C6orf52: variants seen among roughly 807,000 people sequenced by gnomAD.
C6orf52 encodes chromosome 6 open reading frame 52, also known as putative uncharacterized protein C6orf52.
In C6orf52, 16 loss-of-function variants were observed where a neutral mutation model predicts 16.6. That is an observed-to-expected ratio of 0.96 (90% CI 0.65 to 1.46). The LOEUF is 1.46. Ranked by LOEUF, C6orf52 falls within the 40% of genes most tolerant of loss-of-function variation. C6orf52 has a pLI of 0.00. For synonymous variants in C6orf52, 53 were observed against 61.4 expected (o/e 0.86, Z 0.64); for missense variants, 166 against 182.3 (o/e 0.91, Z 0.52).
At chr6:10,677,455 CCT>C (rs1767994358) in intron 4 of C6orf52, among the ~76,000 whole-genome samples, 1 of 148,908 alleles carries the variant, frequency 6.7e-6, no homozygotes, top group South Asian at 2.1e-4. Flanking sequence ...ATGCCTTCAC[CCT>C]TTTTTTTTTT....
Position 10,686,950 on chromosome 6 carries a change from T to C in C6orf52, c.270+16A>G, listed in dbSNP as rs1768910788. The C allele has an allele frequency of 2.6e-6, 4 of 1,517,660 alleles. No individual in the cohort carries two copies. Among genetic ancestry groups the C allele is most frequent in the East Asian group, 2.5e-5 (1 of 40,550 alleles). 94.0% of individuals were successfully genotyped at this position (1,517,660 alleles called of 1,614,324 possible). A position where few individuals can be genotyped will look rare whatever the true frequency, so the allele number is the denominator to read the frequency against. ...GGGCACACGAATGACACAAGATTCA[T>C]TCTAGCAAGGGATACCTTAGGCATA... On this transcript the variant is annotated intron_variant, in intron 3 of 4. Coordinates refer to ENST00000259983, the MANE Select transcript of C6orf52 (RefSeq NM_001145020.3).
chr6:10,691,868 G>C (rs1251649615), intron 1 of C6orf52, among the ~76,000 whole-genome samples: 1 of 151,940 alleles, frequency 6.6e-6, no homozygotes, highest in Non-Finnish European at 1.5e-5. Context: ...ACCACTTTGA[G>C]TTATGTTCAT....
At chr6:10,673,038 G>C (rs1767565676) in intron 4 of C6orf52, among the ~76,000 whole-genome samples, 1 of 152,116 alleles carries the variant, frequency 6.6e-6, no homozygotes, top group African/African-American at 2.4e-5. Flanking sequence ...TTATTCTTTA[G>C]AGCTTCCCAT....
chr6:10,686,863 G>A, intron 3 of C6orf52, 103 bp downstream of exon 3: 1 of 842,778 alleles, frequency 1.2e-6, no homozygotes, highest in Non-Finnish European at 1.8e-6. Flanking sequence ...AGCCATGTCT[G>A]TGGGAATTTG....
At chr6:10,689,301 C>A (rs971210899) in intron 1 of C6orf52, among the ~76,000 whole-genome samples, 2 of 152,228 alleles carry the variant, frequency 1.3e-5, no homozygotes, top group African/African-American at 2.4e-5. Flanking sequence ...CGACTGGTTG[C>A]ATCCAGGGAT....
At chr6:10,684,993 G>T in intron 3 of C6orf52, 6 of 857,778 alleles carry the variant, frequency 7.0e-6, no homozygotes, top group Non-Finnish European at 9.2e-6. Flanking sequence ...TAATAATTCG[G>T]CCTGAGGGTG....
chr6:10,687,136 C>T lies in C6orf52; in HGVS notation c.100G>A (p.Glu34Lys). The T allele has an allele frequency of 6.4e-7, 1 of 1,551,430 alleles. No individual in the cohort carries two copies. The highest frequency in any genetic ancestry group is 8.7e-7 in the Non-Finnish European group (1 of 1,146,778). ...SLPSAIRVKQEFQPSQSYRYG... is the reference protein window; with the variant it reads ...SLPSAIRVKQKFQPSQSYRYG... ...CGGTAACTCTGGCTGGGCTGGAACT[C>T]CTGCTTCACTCTAATAGCAGAGGGG... The change falls in exon 3 of 5, where the codon GAG becomes AAG. Residue 34 changes from glutamate to lysine, a missense_variant. Glu to Lys is a moderately conservative substitution (Grantham distance 56, BLOSUM62 1). Transcript: ENST00000259983.
intron 4 of C6orf52, among the ~76,000 whole-genome samples, chr6:10,675,838 G>C (rs963252240): frequency 3.9e-5 from 6 of 152,068 alleles, no homozygotes; most frequent in Non-Finnish European, 8.8e-5. Flanking sequence ...CTTGAGAAAT[G>C]TCTTAAAAAA....
At chr6:10,685,557 G>A (rs1199218213) in intron 3 of C6orf52, among the ~76,000 whole-genome samples, 1 of 152,198 alleles carries the variant, frequency 6.6e-6, no homozygotes, top group East Asian at 1.9e-4. Flanking sequence ...CACAAATGGT[G>A]TCACTCTGCA....
intron 4 of C6orf52, among the ~76,000 whole-genome samples, chr6:10,673,782 T>C (rs1258345754): frequency 6.6e-6 from 1 of 152,138 alleles, no homozygotes; most frequent in East Asian, 1.9e-4. Flanking sequence ...TTTAAAACTC[T>C]GCTTGAAGGT....
intron 4 of C6orf52, among the ~76,000 whole-genome samples, chr6:10,676,829 G>A (rs2127461732): frequency 6.6e-6 from 1 of 152,204 alleles, no homozygotes; most frequent in South Asian, 2.1e-4. Context: ...ATTAAGCCTT[G>A]CACTCCTTAA....
At chr6:10,674,166 C>T (rs1339896897) in intron 4 of C6orf52, among the ~76,000 whole-genome samples, 1 of 152,108 alleles carries the variant, frequency 6.6e-6, no homozygotes, top group Non-Finnish European at 1.5e-5. Flanking sequence ...CAAATTCCCT[C>T]GTGACTTTTA....
At chr6:10,671,680 T>G in intron 4 of C6orf52, 82 bp from the exon 5 acceptor site, 24 of 901,498 alleles carry the variant, frequency 2.7e-5, no homozygotes, top group Non-Finnish European at 3.7e-5. Context: ...AGAAAGCTTT[T>G]AGAAAGCATT....
At chr6:10,676,408 A>G (rs1581535012) in intron 4 of C6orf52, among the ~76,000 whole-genome samples, 1 of 152,328 alleles carries the variant, frequency 6.6e-6, no homozygotes, top group East Asian at 1.9e-4. Flanking sequence ...TTTTCTAACA[A>G]ACAGCAACCT....
chr6:10,676,002 A>G (rs1330233714), intron 4 of C6orf52, among the ~76,000 whole-genome samples: 2 of 151,976 alleles, frequency 1.3e-5, no homozygotes, highest in Admixed American at 1.3e-4. Context: ...CGTGGTGGCG[A>G]GTGCCTGTAA....
intron 4 of C6orf52, chr6:10,674,765 A>C (rs1767725575): frequency 6.6e-6 from 1 of 151,722 alleles, no homozygotes; most frequent in East Asian, 1.9e-4. Flanking sequence ...CCTTCGAATT[A>C]GCCTGTATTT....
At position 10,678,206 on chromosome 6, in the gene C6orf52, AAGAC is replaced by A. The variant is rs1258628548; in HGVS notation, c.316+4977_316+4980del. Among the ~76,000 whole-genome samples, 93 of 151,284 alleles carry A rather than the reference AAGAC, an allele frequency of 6.1e-4. 1 individual carries two copies. The highest frequency in any genetic ancestry group is 2.1e-3 in the African/African-American group (88 of 41,196). ...CTTAAAAAAAAAAAAAAAAAAAAAA[AAGAC>A]AGAGAGAGTGCATTGATTCTGTAGA... On this transcript the variant is annotated intron_variant, in intron 4 of 4. Transcript: ENST00000259983.
intron 4 of C6orf52, among the ~76,000 whole-genome samples, chr6:10,674,467 T>G (rs1236986557): frequency 6.6e-6 from 1 of 152,210 alleles, no homozygotes; most frequent in East Asian, 1.9e-4. Flanking sequence ...TAAATTTCTA[T>G]GTGTTTCAAA....
chr6:10,690,496 G>C (rs1244706930), intron 1 of C6orf52, among the ~76,000 whole-genome samples: 2 of 152,098 alleles, frequency 1.3e-5, no homozygotes, highest in Non-Finnish European at 2.9e-5. Context: ...AGAAAGAGGA[G>C]AATTCAGCAG....
Sources: allele counts gnomAD v4.1 joint callset (sites outside exome capture counted in the v4.1 genomes callset), GRCh38; gene constraint gnomAD v4.1.1; transcripts MANE v1.5; gene names NCBI Gene and HGNC (gene_info 2026-07-23, HGNC 2026-07-21).